The following NAV2 variants were observed in gnomAD, a reference collection of about 807,000 sequenced individuals.
NAV2 encodes the protein helicase, APC down-regulated 1.
In NAV2, 54 loss-of-function variants were observed where a neutral mutation model predicts 223.2. That is an observed-to-expected ratio of 0.24 (90% CI 0.19 to 0.30). The LOEUF is 0.30. Among genes scored for constraint, NAV2 ranks in the 10% least tolerant of loss-of-function variants. The probability of loss-of-function intolerance (pLI) is 1.00; values close to 1 mark genes in which losing one functional copy is unlikely to be tolerated. For missense variants in NAV2, 2,806 were observed against 3,147.5 expected, an observed-to-expected ratio of 0.89 and a Z score of 2.60; for synonymous variants, 1,279 against 1,239.3, an observed-to-expected ratio of 1.03 and a Z score of -0.67.
chr11:20,067,502 C>T lies in NAV2; in HGVS notation c.4885-684C>T, dbSNP rs193025696. On this transcript the variant is annotated intron_variant, in intron 20 of 37. Transcript: ENST00000349880. ...AGACCCTTTATTTTATTTTTTGAGA[C>T]GGGTAGCCTCTGTTGCCCAGGCTAG... Among the ~76,000 whole-genome samples the T allele has an allele frequency of 2.8e-3, 425 of 152,018 alleles. 1 individual carries two copies. The highest frequency in any genetic ancestry group is 9.8e-3 in the African/African-American group (407 of 41,458).
chr11:19,919,139 C>T (rs1354792517), intron 6 of NAV2, among the ~76,000 whole-genome samples: 1 of 152,000 alleles, frequency 6.6e-6, no homozygotes, highest in Non-Finnish European at 1.5e-5. Context: ...TAACTTTGAG[C>T]CCAGTCATAT....
At chr11:19,956,037 G>A (rs887154938) in intron 10 of NAV2, among the ~76,000 whole-genome samples, 4 of 152,116 alleles carry the variant, frequency 2.6e-5, no homozygotes, top group Non-Finnish European at 2.9e-5. Flanking sequence ...GGCTTTTGGC[G>A]CTCTTGGAAC....
chr11:19,449,914 G>A (rs1590224171), intron 1 of NAV2, among the ~76,000 whole-genome samples: 2 of 151,192 alleles, frequency 1.3e-5, no homozygotes, highest in East Asian at 3.9e-4. Context: ...CGGTTATGGT[G>A]AGAACTAACC....
In NAV2 at chr11:19,435,323, C is replaced by T. The variant is rs577715346; in HGVS notation, c.75+84296C>T. On this transcript the variant is annotated intron_variant, in intron 1 of 37. Transcript: ENST00000360655. ...ATTCCATATATAAGCGAGACCATAT[C>T]GTATTTGTCTCTCTGTGCCTGGCTT... is the stretch of plus-strand genomic sequence containing the variant. Among the ~76,000 whole-genome samples the T allele has an allele frequency of 4.6e-5, 7 of 152,050 alleles. No homozygotes were observed. In the South Asian group the frequency reaches 1.2e-3, roughly 27 times the overall value.
intron 1 of NAV2, among the ~76,000 whole-genome samples, chr11:19,373,215 T>A (rs1025104740): frequency 1.3e-5 from 2 of 152,174 alleles, no homozygotes; most frequent in Non-Finnish European, 2.9e-5. Flanking sequence ...TTGTAGGTGA[T>A]CTTATTTAGG....
intron 10 of NAV2, among the ~76,000 whole-genome samples, chr11:19,952,193 C>T (rs1170360559): frequency 6.6e-6 from 1 of 152,318 alleles, no homozygotes; most frequent in South Asian, 2.1e-4. Context: ...TTATTCTGTG[C>T]TTCAGAATGT....
intron 11 of NAV2, among the ~76,000 whole-genome samples, chr11:19,993,550 A>G (rs1185806468): frequency 1.3e-5 from 2 of 152,162 alleles, no homozygotes; most frequent in African/African-American, 4.8e-5. Flanking sequence ...ATCACATGCA[A>G]GTGAGTGCCT....
At chr11:19,439,139 T>C (rs2133678135) in intron 1 of NAV2, among the ~76,000 whole-genome samples, 1 of 152,262 alleles carries the variant, frequency 6.6e-6, no homozygotes, top group African/African-American at 2.4e-5. Flanking sequence ...AAGGGGCTTG[T>C]ATGAATAGCA....
At chr11:19,901,633 G>A (rs753400800) in intron 6 of NAV2, among the ~76,000 whole-genome samples, 11 of 152,268 alleles carry the variant, frequency 7.2e-5, no homozygotes, top group Non-Finnish European at 1.3e-4. Flanking sequence ...AAGACACCCA[G>A]ACAAATGCCT....
chr11:19,563,296 C>T (rs1417233739), intron 1 of NAV2, among the ~76,000 whole-genome samples: 1 of 152,184 alleles, frequency 6.6e-6, no homozygotes, highest in Non-Finnish European at 1.5e-5. Context: ...TCTCTCTTCC[C>T]AAACACAGCT....
chr11:19,811,428 A>T (rs1351229606), intron 1 of NAV2, among the ~76,000 whole-genome samples: 5 of 152,150 alleles, frequency 3.3e-5, no homozygotes, highest in Non-Finnish European at 5.9e-5. Context: ...GCTCACAATG[A>T]AGGTGACATT....
chr11:19,618,492 A>AGATGGATGGATGGATG (rs72080375), intron 1 of NAV2, among the ~76,000 whole-genome samples: 13 of 137,002 alleles, frequency 9.5e-5, no homozygotes, highest in East Asian at 2.2e-4. Flanking sequence ...CTGTCTGGAT[A>AGATGGATGGATGGATG]GATGGATGGA....
Position 20,106,155 on chromosome 11 carries a change from G to GTGTA in NAV2, c.6841+429_6841+430insGTAT, listed in dbSNP as rs369895690. On this transcript the variant is annotated intron_variant, in intron 35 of 37. Transcript: ENST00000349880. ...TGTCCTTGTTCATATGTGTGTGTGT[G>GTGTA]TATATATATATATATATATATGTGT... 4.1e-3 allele frequency among the ~76,000 whole-genome samples: 128 copies of GTGTA among 31,494 alleles called. 23 individuals are homozygous for GTGTA. Among genetic ancestry groups the GTGTA allele is most frequent in the Middle Eastern group, 0.077 (2 of 26 alleles). The allele number at this position is 31,494 out of a possible 152,430, so 20.7% of individuals were successfully genotyped here.
chr11:19,966,708 G>A (rs1008259992), intron 10 of NAV2, among the ~76,000 whole-genome samples: 10 of 152,164 alleles, frequency 6.6e-5, no homozygotes, highest in African/African-American at 2.2e-4. Context: ...GGAAGCCTCC[G>A]CTGATGCACA....
At chr11:19,792,048 G>A (rs960456482) in intron 1 of NAV2, among the ~76,000 whole-genome samples, 1 of 152,178 alleles carries the variant, frequency 6.6e-6, no homozygotes, top group African/African-American at 2.4e-5. Context: ...GGAGAGAAGG[G>A]TGATTGTTCT....
intron 1 of NAV2, among the ~76,000 whole-genome samples, chr11:19,459,738 G>T (rs957434708): frequency 6.6e-6 from 1 of 152,204 alleles, no homozygotes; most frequent in Non-Finnish European, 1.5e-5. Flanking sequence ...TAGAAAAGAT[G>T]CATTGGGTAT....
At chr11:19,786,191 G>A (rs2057105666) in intron 1 of NAV2, among the ~76,000 whole-genome samples, 1 of 152,208 alleles carries the variant, frequency 6.6e-6, no homozygotes, top group Admixed American at 6.5e-5. Context: ...GGTGTTCCAA[G>A]GCCATCTACA....
intron 11 of NAV2, among the ~76,000 whole-genome samples, chr11:19,988,731 G>A (rs554814509): frequency 1.6e-3 from 237 of 152,258 alleles, no homozygotes; most frequent in African/African-American, 5.5e-3. Flanking sequence ...AGAGTCTCAT[G>A]GTGTGAGAAT....
intron 6 of NAV2, among the ~76,000 whole-genome samples, chr11:19,922,862 T>C (rs1277057610): frequency 1.3e-5 from 2 of 152,174 alleles, no homozygotes; most frequent in African/African-American, 2.4e-5. Context: ...GTCATTCCTG[T>C]GTTAATATAA....
Sources: allele counts gnomAD v4.1 joint callset (sites outside exome capture counted in the v4.1 genomes callset), GRCh38; gene constraint gnomAD v4.1.1; transcripts MANE v1.5; gene names NCBI Gene and HGNC (gene_info 2026-07-23, HGNC 2026-07-21).